Variants in ATP10B observed in about 807,000 individuals in gnomAD.
The protein encoded by ATP10B is phospholipid-transporting ATPase VB.
In ATP10B, 122 loss-of-function variants were observed where a neutral mutation model predicts 141.2. That is an observed-to-expected ratio of 0.86 (90% CI 0.75 to 1.00). The LOEUF is 1.00. ATP10B is among the 50% of genes least tolerant of loss of function. ATP10B has a pLI of 0.00. For missense variants in ATP10B, 1,876 were observed against 1,825.3 expected (o/e 1.03, Z -0.51); for synonymous variants, 685 against 692.0 (o/e 0.99, Z 0.16).
chr5:160,833,086 T>C lies in ATP10B; in HGVS notation c.-576+18855A>G, dbSNP rs188717722. Among the ~76,000 whole-genome samples, 106 of 152,252 alleles carry C rather than the reference T, an allele frequency of 7.0e-4. 1 individual carries two copies. Among genetic ancestry groups the C allele is most frequent in the African/African-American group, 2.5e-3 (103 of 41,562 alleles). On this transcript the variant is annotated intron_variant, in intron 1 of 25. Transcript: ENST00000327245. ...AACTTTACTAAATATAAAGCATCAGTCTACTGAAGGCTGGTGGCAGGCTAG... is the reference window on the plus strand; with the variant it reads ...AACTTTACTAAATATAAAGCATCAGCCTACTGAAGGCTGGTGGCAGGCTAG...
chr5:160,812,020 CAGAGAGAGAGAGAG>C lies in ATP10B; in HGVS notation c.-575-26231_-575-26218del, dbSNP rs34793101. 2.6e-3 allele frequency among the ~76,000 whole-genome samples: 287 copies of C among 111,530 alleles called. 4 individuals carry two copies. The highest frequency in any genetic ancestry group is 0.02 in the Admixed American group (208 of 10,322). The allele number at this position is 111,530 out of a possible 152,430, so 73.2% of individuals were successfully genotyped here. ...AGAGAGACAGAGACAGAGACAGAGACAGAGAGAGAGAGAGAGAGAGAGAGAGAGAGAGAGAGAGA... is the reference window on the plus strand; with the variant it reads ...AGAGAGACAGAGACAGAGACAGAGACAGAGAGAGAGAGAGAGAGAGAGAGA... On this transcript the variant is annotated intron_variant, in intron 1 of 25. Transcript: ENST00000327245.
intron 13 of ATP10B, among the ~76,000 whole-genome samples, chr5:160,627,936 C>G (rs1332539149): frequency 6.6e-6 from 1 of 152,176 alleles, no homozygotes; most frequent in East Asian, 1.9e-4. Flanking sequence ...GGGAGGGACA[C>G]TTACTTTCCA....
chr5:160,866,675 A>AAAAAC, the ATP10B span, among the ~76,000 whole-genome samples: 13 of 152,294 alleles, frequency 8.5e-5, no homozygotes, highest in African/African-American at 2.9e-4. Flanking sequence ...ACCCTGTCTC[A>AAAAAC]AAAACAAAAC....
At chr5:160,807,505 T>C (rs1224494476) in intron 1 of ATP10B, among the ~76,000 whole-genome samples, 10 of 151,944 alleles carry the variant, frequency 6.6e-5, no homozygotes, top group Admixed American at 3.9e-4. Context: ...CACTCAACAA[T>C]TGGATACTTT....
chr5:160,817,421 A>G (rs985607602), intron 1 of ATP10B, among the ~76,000 whole-genome samples: 2 of 152,314 alleles, frequency 1.3e-5, no homozygotes, highest in Middle Eastern at 3.4e-3. Context: ...AGAGAATAAA[A>G]TACCTAGGAA....
At chr5:160,667,522 G>A (rs534716417) in intron 7 of ATP10B, among the ~76,000 whole-genome samples, 1 of 152,268 alleles carries the variant, frequency 6.6e-6, no homozygotes, top group South Asian at 2.1e-4. Context: ...CAAGAACTGA[G>A]ACAGAGTAGA....
At chr5:160,803,406 G>T (rs13154057) in intron 1 of ATP10B, among the ~76,000 whole-genome samples, 2 of 152,108 alleles carry the variant, frequency 1.3e-5, no homozygotes, top group Non-Finnish European at 2.9e-5. Flanking sequence ...GGCCAGGCAC[G>T]GCGGCTCACA....
At chr5:160,890,660 A>T in the ATP10B span, among the ~76,000 whole-genome samples, 3 of 152,086 alleles carry the variant, frequency 2.0e-5, no homozygotes, top group Non-Finnish European at 4.4e-5. Flanking sequence ...CTGATATGCC[A>T]TATTATGTTT....
intron 1 of ATP10B, among the ~76,000 whole-genome samples, chr5:160,813,918 G>C (rs1018833452): frequency 2.5e-4 from 38 of 152,172 alleles, no homozygotes; most frequent in Admixed American, 2.5e-3. Context: ...CTGTAGCTGA[G>C]GGTCCTGACT....
Position 160,603,546 on chromosome 5 carries a change from C to A in ATP10B, c.3237+419G>T, listed in dbSNP as rs1355222955. Reference sequence around the variant, plus strand: ...CCAGGGAAGCCAGAAGATTGGATACCCCTGGTCTAACAGATTGCTGGCATA... The same window carrying A: ...CCAGGGAAGCCAGAAGATTGGATACACCTGGTCTAACAGATTGCTGGCATA... On this transcript the variant is annotated intron_variant, in intron 20 of 25. Coordinates refer to ENST00000327245, the MANE Select transcript of ATP10B (RefSeq NM_025153.3). 8 of 189,092 alleles carry A rather than the reference C, an allele frequency of 4.2e-5. No homozygotes were observed. The East Asian group carries it at 7.9e-4, about 19-fold the overall frequency. 11.7% of individuals were successfully genotyped at this position (189,092 alleles called of 1,614,324 possible). A position where few individuals can be genotyped will look rare whatever the true frequency, so the allele number is the denominator to read the frequency against.
chr5:160,889,050 G>T, the ATP10B span, among the ~76,000 whole-genome samples: 300 of 152,222 alleles, frequency 2.0e-3, 1 homozygote, highest in African/African-American at 6.9e-3. Context: ...CCTAAACCAA[G>T]CCCATCATTT....
intron 2 of ATP10B, among the ~76,000 whole-genome samples, chr5:160,778,094 C>T (rs1402044895): frequency 6.6e-6 from 1 of 152,180 alleles, no homozygotes; most frequent in East Asian, 1.9e-4. Context: ...TAGACAGTCT[C>T]TACAGAAAGC....
At chr5:160,648,507 T>A (rs948985031) in intron 8 of ATP10B, among the ~76,000 whole-genome samples, 1 of 152,066 alleles carries the variant, frequency 6.6e-6, no homozygotes, top group African/African-American at 2.4e-5. Flanking sequence ...GGAAGACTAG[T>A]GGTCTGATAA....
chr5:160,759,387 AC>A (rs1160676426), intron 2 of ATP10B, among the ~76,000 whole-genome samples: 1 of 152,242 alleles, frequency 6.6e-6, no homozygotes, highest in East Asian at 1.9e-4. Flanking sequence ...ACAGGTAAAC[AC>A]GATAACTTAT....
In ATP10B at chr5:160,591,159, C is replaced by A; in HGVS notation, c.3565-20G>T. 6.3e-7 allele frequency: 1 copy of A among 1,599,860 alleles called. No homozygotes were observed. The highest frequency in any genetic ancestry group is 8.5e-7 in the Non-Finnish European group (1 of 1,171,072). On this transcript the variant is annotated intron_variant, in intron 22 of 25. Transcript: ENST00000327245. ...ATAGCACTGCCAGGAGAGAACACAC[C>A]AATAATTATCACCCTTATAGCAAGC...
chr5:160,877,977 A>G, the ATP10B span, among the ~76,000 whole-genome samples: 3 of 152,072 alleles, frequency 2.0e-5, no homozygotes, highest in African/African-American at 7.2e-5. Flanking sequence ...TTATAGATTC[A>G]ATGCCATCCC....
the ATP10B span, among the ~76,000 whole-genome samples, chr5:160,907,399 T>C: frequency 6.6e-6 from 1 of 151,984 alleles, no homozygotes; most frequent in Non-Finnish European, 1.5e-5. Context: ...TTTTTTGAGA[T>C]AGGTTCTGTT....
the ATP10B span, among the ~76,000 whole-genome samples, chr5:160,870,669 T>C: frequency 6.6e-6 from 1 of 151,938 alleles, no homozygotes; most frequent in Non-Finnish European, 1.5e-5. Context: ...CAATACTGGC[T>C]GAGAATTTCC....
chr5:160,666,589 C>T (rs1027228961), intron 7 of ATP10B, among the ~76,000 whole-genome samples: 1 of 152,156 alleles, frequency 6.6e-6, no homozygotes, highest in Non-Finnish European at 1.5e-5. Context: ...TATTACTTGG[C>T]CTTGCAACAT....
Sources: allele counts gnomAD v4.1 joint callset (sites outside exome capture counted in the v4.1 genomes callset), GRCh38; gene constraint gnomAD v4.1.1; transcripts MANE v1.5; gene names NCBI Gene and HGNC (gene_info 2026-07-23, HGNC 2026-07-21).